Variants in AKAP13 observed in about 807,000 individuals in gnomAD.
AKAP13 encodes the protein A-kinase anchoring protein 13, also known as A-kinase anchor protein 13.
Under a neutral mutation model 264.5 loss-of-function variants are expected in AKAP13, and 80 were observed. The observed-to-expected ratio is 0.30, with a 90% CI of 0.25 to 0.36. The LOEUF (loss-of-function observed/expected upper bound fraction) is 0.36. Ranked by LOEUF, AKAP13 falls within the 10% of genes least tolerant of loss-of-function variation. The pLI is 1.00. For missense variants in AKAP13, 3,712 were observed against 3,435.2 expected, an observed-to-expected ratio of 1.08 and a Z score of -2.01; for synonymous variants, 1,380 against 1,250.2, an observed-to-expected ratio of 1.10 and a Z score of -2.19.
chr15:85,406,396 G>GTTTTTTT (rs34569805), intron 1 of AKAP13, among the ~76,000 whole-genome samples: 4 of 143,832 alleles, frequency 2.8e-5, no homozygotes, highest in Non-Finnish European at 4.5e-5. Context: ...CTAGAAAATA[G>GTTTTTTT]TTTTTTTTTT....
chr15:85,736,143 A>T lies in AKAP13; in HGVS notation c.7557+9A>T. 6.3e-7 allele frequency: 1 copy of T among 1,592,954 alleles called. No individual in the cohort carries two copies. Among genetic ancestry groups the T allele is most frequent in the Non-Finnish European group, 8.6e-7 (1 of 1,162,398 alleles). On this transcript the variant is annotated intron_variant, in intron 33 of 36. Transcript: ENST00000394518. ...TTAAAAGAAACAGTGAGGTAAGGAC[A>T]TTATGAACTATTTAAGAAAATATGT...
chr15:85,465,186 T>G (rs1596266460), intron 1 of AKAP13, among the ~76,000 whole-genome samples: 1 of 150,874 alleles, frequency 6.6e-6, no homozygotes, highest in East Asian at 2.0e-4. Context: ...TCTCCTGACC[T>G]TGTGATCCGC....
intron 1 of AKAP13, chr15:85,415,085 G>T: frequency 1.7e-6 from 1 of 593,226 alleles, no homozygotes. Context: ...AAGTTACTCT[G>T]AAAATTCATA....
intron 1 of AKAP13, among the ~76,000 whole-genome samples, chr15:85,445,012 A>G (rs1388246245): frequency 6.6e-6 from 1 of 152,178 alleles, no homozygotes. Context: ...CTTAAAGTAT[A>G]TAATACTTTA....
Position 85,585,796 on chromosome 15 carries a change from G to C in AKAP13, c.4134G>C (p.Lys1378Asn). 6.2e-7 allele frequency: 1 copy of C among 1,614,108 alleles called. No homozygotes were observed. The highest frequency in any genetic ancestry group is 8.5e-7 in the Non-Finnish European group (1 of 1,179,978). ...VAVGSIAATLKMKQGPMTQAI... is the reference protein window; with the variant it reads ...VAVGSIAATLNMKQGPMTQAI... ...TAGGGAGCATAGCTGCTACACTGAA[G>C]ATGAAGCAAGGCCCAATGACCCAGG... Residue 1378 changes from lysine to asparagine, a missense_variant, in exon 8 of 37, where the codon AAG becomes AAC. This residue lies in a region of AKAP13 where 2,759 missense variants were observed against 2,411.7 expected (regional missense o/e 1.14). Coordinates refer to ENST00000394518, the MANE Select transcript of AKAP13 (RefSeq NM_007200.5).
chr15:85,582,787 C>T, intron 7 of AKAP13: 2 of 790,826 alleles, frequency 2.5e-6, no homozygotes, highest in Non-Finnish European at 1.5e-6. Context: ...GAATTCAAGA[C>T]CCTGCACAGT....
intron 15 of AKAP13, among the ~76,000 whole-genome samples, chr15:85,682,858 G>C (rs558265046): frequency 1.3e-5 from 2 of 152,180 alleles, no homozygotes; most frequent in South Asian, 4.2e-4. Context: ...GTAGGGATGG[G>C]GTTTCTCCAT....
At chr15:85,651,869 G>C (rs113029440) in intron 10 of AKAP13, among the ~76,000 whole-genome samples, 1 of 152,062 alleles carries the variant, frequency 6.6e-6, no homozygotes, top group Admixed American at 6.5e-5. Flanking sequence ...CCTAGGATTC[G>C]AATTCTTAGA....
intron 1 of AKAP13, among the ~76,000 whole-genome samples, chr15:85,383,957 G>T (rs758512951): frequency 5.3e-5 from 8 of 152,122 alleles, no homozygotes; most frequent in Non-Finnish European, 1.0e-4. Flanking sequence ...CACTTTAAAG[G>T]TGACACCATT....
intron 3 of AKAP13, among the ~76,000 whole-genome samples, chr15:85,527,900 T>C (rs1211030791): frequency 6.6e-6 from 1 of 152,220 alleles, no homozygotes; most frequent in African/African-American, 2.4e-5. Flanking sequence ...ATAAAGATAT[T>C]ATTTTTATAT....
At chr15:85,591,873 C>T (rs2079595008) in intron 8 of AKAP13, among the ~76,000 whole-genome samples, 1 of 152,114 alleles carries the variant, frequency 6.6e-6, no homozygotes. Context: ...ATTCTACAAA[C>T]CAGTATATAT....
chr15:85,582,376 A>T (rs17570529), intron 7 of AKAP13, among the ~76,000 whole-genome samples: 30,912 of 152,128 alleles, frequency 0.2, 4,169 homozygotes, highest in Middle Eastern at 0.41. Context: ...AACTTTGCAA[A>T]CCTAGAAAAC....
intron 8 of AKAP13, among the ~76,000 whole-genome samples, chr15:85,612,822 T>G: frequency 1.3e-5 from 1 of 75,820 alleles, no homozygotes; most frequent in Admixed American, 1.5e-4. Flanking sequence ...AGACCCTGTC[T>G]CACAAAAAAA....
chr15:85,698,508 A>G (rs889026135), intron 17 of AKAP13, among the ~76,000 whole-genome samples: 4 of 151,232 alleles, frequency 2.6e-5, no homozygotes, highest in African/African-American at 9.7e-5. Flanking sequence ...AGGACAGATC[A>G]GAGGTTGCCA....
chr15:85,444,672 A>G (rs1449919791), intron 1 of AKAP13, among the ~76,000 whole-genome samples: 1 of 152,214 alleles, frequency 6.6e-6, no homozygotes, highest in Non-Finnish European at 1.5e-5. Context: ...AATCTTTTTC[A>G]GAAGACATGG....
Position 85,580,606 on chromosome 15 carries a change from C to T in AKAP13, c.2538C>T (p.Gly846=). 1 of 1,614,190 alleles carries T rather than the reference C, an allele frequency of 6.2e-7. No individual in the cohort carries two copies. The highest frequency in any genetic ancestry group is 8.5e-7 in the Non-Finnish European group (1 of 1,180,028). The change falls in exon 7 of 37, where the codon GGC becomes GGT. Residue 846 remains glycine (G), a synonymous_variant. Coordinates refer to ENST00000394518, the MANE Select transcript of AKAP13 (RefSeq NM_007200.5). ...GGCCACTAGAAGACAGGGCAGTAGG[C>T]CTGTCCACATCCTCCACTGCTGCAG... ...DTRPLEDRAV[G]LSTSSTAAEL...
intron 1 of AKAP13, among the ~76,000 whole-genome samples, chr15:85,432,959 A>AT (rs1337365869): frequency 6.6e-6 from 1 of 152,026 alleles, no homozygotes; most frequent in Non-Finnish European, 1.5e-5. Flanking sequence ...AAGAAAAAAA[A>AT]ATATACACCC....
At chr15:85,692,739 G>A (rs2085359098) in intron 16 of AKAP13, among the ~76,000 whole-genome samples, 1 of 152,210 alleles carries the variant, frequency 6.6e-6, no homozygotes, top group African/African-American at 2.4e-5. Flanking sequence ...TCTAACTAGA[G>A]TAAAGGAGGA....
chr15:85,426,204 G>A (rs1013150808), intron 1 of AKAP13, among the ~76,000 whole-genome samples: 1 of 152,160 alleles, frequency 6.6e-6, no homozygotes, highest in African/African-American at 2.4e-5. Context: ...TAATACTAAT[G>A]GGTCCCTCAC....
Sources: allele counts gnomAD v4.1 joint callset (sites outside exome capture counted in the v4.1 genomes callset), GRCh38; gene constraint gnomAD v4.1.1; regional missense constraint gnomAD v4.1.1; transcripts MANE v1.5; gene names NCBI Gene and HGNC (gene_info 2026-07-23, HGNC 2026-07-21).